PCDH11X: variants seen among roughly 807,000 people sequenced by gnomAD.
PCDH11X encodes the protein protocadherin-11 X-linked.
A neutral mutation model predicts 53.3 loss-of-function variants in PCDH11X; 18 were observed. The observed-to-expected ratio is 0.34, with a 90% CI of 0.23 to 0.50. The LOEUF (loss-of-function observed/expected upper bound fraction) is 0.50, where lower values mean the gene tolerates loss of function less well. Among genes scored for constraint, PCDH11X ranks in the 20% least tolerant of loss-of-function variants. PCDH11X has a pLI of 0.98. For synonymous variants in PCDH11X, 279 were observed against 393.3 expected (o/e 0.71, Z 3.44); for missense variants, 570 against 1,032.4 (o/e 0.55, Z 6.14).
In PCDH11X at chrX:91,994,745, G is replaced by A. The variant is rs771420747; in HGVS notation, c.3033+115472G>A. Among the ~76,000 whole-genome samples the A allele has an allele frequency of 5.4e-5, 6 of 111,269 alleles. No individual in the cohort carries two copies. The Admixed American group carries it at 5.7e-4, about 11-fold the overall frequency. ...ACACTGTTTTCCATAATGGCTGTAC[G>A]AATTTACATCCCCACCCACAGTTTA... On this transcript the variant is annotated intron_variant, in intron 6 of 10. Coordinates refer to ENST00000682573, the MANE Select transcript of PCDH11X (RefSeq NM_032968.5).
intron 8 of PCDH11X, among the ~76,000 whole-genome samples, chrX:92,352,546 G>C (rs2070079636): frequency 9.0e-6 from 1 of 110,792 alleles, no homozygotes; most frequent in South Asian, 3.8e-4. Flanking sequence ...AATTCTTGGG[G>C]CATGTTAAGG....
intron 10 of PCDH11X, among the ~76,000 whole-genome samples, chrX:92,559,389 G>A (rs1310921998): frequency 3.6e-5 from 4 of 110,235 alleles, no homozygotes; most frequent in African/African-American, 1.3e-4. Flanking sequence ...TGAAATATAA[G>A]CCTAGGCTGT....
At chrX:92,138,467 A>C (rs2148211211) in intron 6 of PCDH11X, among the ~76,000 whole-genome samples, 1 of 111,390 alleles carries the variant, frequency 9.0e-6, no homozygotes, top group Admixed American at 9.6e-5. Context: ...TTTAAAAATT[A>C]AAGAATAAAA....
intron 8 of PCDH11X, among the ~76,000 whole-genome samples, chrX:92,321,337 C>T (rs1453032673): frequency 1.8e-5 from 2 of 108,272 alleles, no homozygotes; most frequent in African/African-American, 6.8e-5. Flanking sequence ...GAACTACAGG[C>T]GCCTGCCACC....
intron 8 of PCDH11X, among the ~76,000 whole-genome samples, chrX:92,344,111 C>A (rs1395700148): frequency 9.4e-6 from 1 of 106,277 alleles, no homozygotes; most frequent in African/African-American, 3.4e-5. Context: ...AGATCTTATC[C>A]ATCTGGACCT....
intron 7 of PCDH11X, among the ~76,000 whole-genome samples, chrX:92,244,290 T>C (rs941887440): frequency 9.3e-6 from 1 of 108,008 alleles, no homozygotes; most frequent in African/African-American, 3.4e-5. Flanking sequence ...TTAAAACATA[T>C]TTTCTATGCT....
chrX:92,293,610 G>A (rs1265648058), intron 8 of PCDH11X, among the ~76,000 whole-genome samples: 24 of 94,449 alleles, frequency 2.5e-4, no homozygotes, highest in Non-Finnish European at 4.1e-4. Context: ...GCGACAGAGC[G>A]AGACTCCGTC....
At chrX:92,207,822 T>C (rs143866537) in intron 7 of PCDH11X, among the ~76,000 whole-genome samples, 333 of 111,710 alleles carry the variant, frequency 3.0e-3, no homozygotes, top group African/African-American at 0.01. Flanking sequence ...AATAGTGCAA[T>C]GTAAAGTGAT....
chrX:92,472,764 T>C (rs755380323), intron 10 of PCDH11X, among the ~76,000 whole-genome samples: 24 of 111,471 alleles, frequency 2.2e-4, no homozygotes, highest in African/African-American at 7.8e-4. Context: ...GCATAAAATG[T>C]TTTTCCATTT....
At chrX:91,926,359 AC>A (rs1941949071) in intron 6 of PCDH11X, among the ~76,000 whole-genome samples, 2 of 110,843 alleles carry the variant, frequency 1.8e-5, no homozygotes, top group African/African-American at 6.6e-5. Context: ...AATCTGCTTT[AC>A]CCAAAGTTCA....
chrX:92,469,943 A>G (rs1250989275), intron 10 of PCDH11X, among the ~76,000 whole-genome samples: 2 of 108,088 alleles, frequency 1.9e-5, no homozygotes, highest in Non-Finnish European at 3.9e-5. Flanking sequence ...AATGTGAAGA[A>G]TGTCGTGATT....
intron 5 of PCDH11X, among the ~76,000 whole-genome samples, chrX:91,845,194 A>G (rs774216057): frequency 9.0e-6 from 1 of 111,366 alleles, no homozygotes; most frequent in Non-Finnish European, 1.9e-5. Context: ...TTCAATAAAT[A>G]AGTAAATATA....
At chrX:92,459,007 C>A (rs1002160097) in intron 9 of PCDH11X, among the ~76,000 whole-genome samples, 6 of 110,924 alleles carry the variant, frequency 5.4e-5, no homozygotes, top group Non-Finnish European at 1.1e-4. Flanking sequence ...AGCGTAGGAG[C>A]GTTCCCTTTT....
At chrX:92,250,467 G>T (rs1158843453) in intron 7 of PCDH11X, among the ~76,000 whole-genome samples, 1 of 109,003 alleles carries the variant, frequency 9.2e-6, no homozygotes, top group African/African-American at 3.3e-5. Flanking sequence ...GAAATGAAAA[G>T]ATATGTCCAT....
chrX:92,499,682 G>T lies in PCDH11X; in HGVS notation c.3367+31360G>T, dbSNP rs1369743785. On this transcript the variant is annotated intron_variant, in intron 10 of 10. Coordinates refer to ENST00000682573, the MANE Select transcript of PCDH11X (RefSeq NM_032968.5). The stretch of plus-strand genomic sequence containing the variant: ...AAAAAAAAAAAAAAAAAAAAAAAAA[G>T]CTATCCAGGTGTGGTGGTATGTGAC... 2.3e-3 allele frequency among the ~76,000 whole-genome samples: 123 copies of T among 54,311 alleles called. 1 individual carries two copies. Among genetic ancestry groups the T allele is most frequent in the Admixed American group, 3.8e-3 (15 of 3,903 alleles). 47.2% of individuals were successfully genotyped at this position (54,311 alleles called of 115,157 possible).
At chrX:92,250,724 T>C (rs1281949755) in intron 7 of PCDH11X, among the ~76,000 whole-genome samples, 1 of 108,794 alleles carries the variant, frequency 9.2e-6, no homozygotes, top group Non-Finnish European at 1.9e-5. Flanking sequence ...GAAGCTATTA[T>C]GCTAAGTGAA....
chrX:92,118,562 A>G lies in PCDH11X; in HGVS notation c.3034-82813A>G, dbSNP rs749398614. Reference sequence around the variant, plus strand: ...CTCCACTTCTAGGAAGTCTTGTCTGACTGGCTTACCCTCACAGCCCTCCCT... The same window carrying G: ...CTCCACTTCTAGGAAGTCTTGTCTGGCTGGCTTACCCTCACAGCCCTCCCT... On this transcript the variant is annotated intron_variant, in intron 6 of 10. Coordinates refer to ENST00000682573, the MANE Select transcript of PCDH11X (RefSeq NM_032968.5). Among the ~76,000 whole-genome samples, 14 of 109,798 alleles carry G rather than the reference A, an allele frequency of 1.3e-4. No individual in the cohort carries two copies. The South Asian group carries it at 5.5e-3, about 43-fold the overall frequency.
At chrX:92,579,633 C>T (rs2148784390) in intron 10 of PCDH11X, among the ~76,000 whole-genome samples, 1 of 111,193 alleles carries the variant, frequency 9.0e-6, no homozygotes, top group African/African-American at 3.3e-5. Context: ...TTCTGCATAA[C>T]AGCTCCTGGA....
At chrX:92,369,585 G>A (rs1214449490) in intron 8 of PCDH11X, among the ~76,000 whole-genome samples, 3 of 110,950 alleles carry the variant, frequency 2.7e-5, no homozygotes, top group Admixed American at 9.6e-5. Flanking sequence ...CAGCTAGGTC[G>A]GTGTCTGCCC....
Sources: gnomAD v4.1 joint callset for allele counts (sites outside exome capture counted in the v4.1 genomes callset) on GRCh38, gnomAD v4.1.1 for gene constraint, MANE v1.5 for transcripts, NCBI Gene and HGNC (gene_info 2026-07-23, HGNC 2026-07-21) for gene names.